The following ACSF3 variants were observed in gnomAD, a reference collection of about 807,000 sequenced individuals.
ACSF3 encodes the protein acyl-CoA synthetase family member 3, also known as malonate--CoA ligase ACSF3, mitochondrial.
ACSF3 carries 78 observed loss-of-function variants against 53.2 expected under a neutral mutation model. The observed-to-expected ratio is 1.47, with a 90% confidence interval of 1.22 to 1.77. The LOEUF (loss-of-function observed/expected upper bound fraction) is 1.77. Ranked by LOEUF, ACSF3 falls within the 40% of genes most tolerant of loss-of-function variation. The probability of loss-of-function intolerance (pLI) is 0.00; values close to 1 mark genes in which losing one functional copy is unlikely to be tolerated. For synonymous variants in ACSF3, 414 were observed against 333.1 expected (o/e 1.24, Z -2.65); for missense variants, 937 against 771.1 (o/e 1.22, Z -2.55).
In ACSF3 at chr16:89,114,409, A is replaced by C; in HGVS notation, c.1048A>C (p.Thr350Pro). Reference protein sequence around the residue: ...LEKWKNITGHTLLERYGMTEI... With the variant: ...LEKWKNITGHPLLERYGMTEI... ...GAAGTGGAAGAACATCACGGGCCAC[A>C]CCCTGCTGGAGCGGTATGGCATGAC... The change falls in exon 6 of 11, where the codon ACC becomes CCC. Residue 350 changes from threonine (T) to proline (P), a missense_variant. Coordinates refer to ENST00000614302, the MANE Select transcript of ACSF3 (RefSeq NM_001243279.3). 1 of 1,613,876 alleles carries C rather than the reference A, an allele frequency of 6.2e-7. No homozygotes were observed. Among genetic ancestry groups the C allele is most frequent in the Non-Finnish European group, 8.5e-7 (1 of 1,180,008 alleles).
intron 4 of ACSF3, among the ~76,000 whole-genome samples, chr16:89,110,564 C>T (rs912105111): frequency 2.6e-5 from 4 of 152,216 alleles, no homozygotes; most frequent in East Asian, 3.8e-4. Flanking sequence ...TTCTGGTTTA[C>T]GTCAGTTTTG....
chr16:89,096,446 C>T (rs948233774), intron 1 of ACSF3, among the ~76,000 whole-genome samples: 1 of 152,144 alleles, frequency 6.6e-6, no homozygotes, highest in African/African-American at 2.4e-5. Context: ...GCTCTGTCTG[C>T]GTGTTCGAGG....
chr16:89,140,692 T>TC (rs1462007458), intron 8 of ACSF3, among the ~76,000 whole-genome samples: 1 of 151,830 alleles, frequency 6.6e-6, no homozygotes, highest in Admixed American at 6.6e-5. Context: ...GGTCAGGACA[T>TC]CCCCCCGGCC....
intron 8 of ACSF3, chr16:89,136,753 C>T (rs758134173): frequency 1.6e-6 from 2 of 1,287,280 alleles, no homozygotes; most frequent in Non-Finnish European, 2.0e-6. Flanking sequence ...CCCGCTTCTG[C>T]CTCAAGATCA....
chr16:89,114,258 C>G, intron 5 of ACSF3, 81 bp from the exon 6 acceptor site: 2 of 1,599,910 alleles, frequency 1.3e-6, no homozygotes, highest in Non-Finnish European at 1.7e-6. Flanking sequence ...AGGGCCGCCT[C>G]CTGAGGGGCT....
chr16:89,114,091 C>A (rs1422258670), intron 5 of ACSF3: 2 of 567,156 alleles, frequency 3.5e-6, no homozygotes, highest in Admixed American at 2.5e-5. Flanking sequence ...AGCTGTTGGA[C>A]CTGCTTCCTT....
chr16:89,142,849 G>A (rs753089243), intron 8 of ACSF3, among the ~76,000 whole-genome samples: 1 of 152,268 alleles, frequency 6.6e-6, no homozygotes, highest in Admixed American at 6.5e-5. Flanking sequence ...GCAGTGGGCG[G>A]AGAGGTTGGG....
At chr16:89,126,293 G>A (rs1416493302) in intron 7 of ACSF3, among the ~76,000 whole-genome samples, 3 of 152,068 alleles carry the variant, frequency 2.0e-5, no homozygotes, top group African/African-American at 7.2e-5. Context: ...TTTTGAGACA[G>A]AATCTTGTCC....
In ACSF3 at chr16:89,156,065, GTGACTC is replaced by G. The variant is rs1914671394; in HGVS notation, c.*1860_*1865del. ...TGAATGCCGTGTTCTAAAGTCACGA[GTGACTC>G]TCCAGCTGGTCCCTGTGCCAGGCTG... On this transcript the variant is annotated 3_prime_UTR_variant, in exon 11 of 11. Coordinates refer to ENST00000614302, the MANE Select transcript of ACSF3 (RefSeq NM_001243279.3). Among the ~76,000 whole-genome samples, 1 of 152,152 alleles carries G rather than the reference GTGACTC, an allele frequency of 6.6e-6. No individual in the cohort carries two copies.
At chr16:89,132,821 G>A (rs908306656) in intron 7 of ACSF3, among the ~76,000 whole-genome samples, 1 of 152,236 alleles carries the variant, frequency 6.6e-6, no homozygotes, top group Non-Finnish European at 1.5e-5. Flanking sequence ...GGCCTGGGCC[G>A]GTAACATGCT....
intron 8 of ACSF3, among the ~76,000 whole-genome samples, chr16:89,137,138 G>A (rs1237921361): frequency 6.6e-6 from 1 of 152,262 alleles, no homozygotes; most frequent in Non-Finnish European, 1.5e-5. Flanking sequence ...GGGCGGTAGG[G>A]CAGGGCGGCA....
intron 8 of ACSF3, among the ~76,000 whole-genome samples, chr16:89,140,771 C>T (rs1457517324): frequency 1.3e-5 from 2 of 151,904 alleles, no homozygotes; most frequent in East Asian, 3.9e-4. Flanking sequence ...CACCTCACTC[C>T]ACCTACACTC....
chr16:89,110,455 C>G (rs1011945286), intron 4 of ACSF3, among the ~76,000 whole-genome samples: 11 of 152,226 alleles, frequency 7.2e-5, no homozygotes, highest in Non-Finnish European at 1.3e-4. Flanking sequence ...CCAAGAATCA[C>G]TTGACCAGAT....
intron 2 of ACSF3, among the ~76,000 whole-genome samples, chr16:89,099,217 CCT>C (rs1456799155): frequency 6.6e-6 from 1 of 152,266 alleles, no homozygotes; most frequent in African/African-American, 2.4e-5. Context: ...TGGGCAGTGT[CCT>C]CTGGCTGCAG....
At chr16:89,127,251 CTCCT>C (rs1567720800) in intron 7 of ACSF3, among the ~76,000 whole-genome samples, 1 of 151,826 alleles carries the variant, frequency 6.6e-6, no homozygotes, top group African/African-American at 2.4e-5. Flanking sequence ...GAAGTGTTCT[CTCCT>C]CTTTTTTTTT....
At chr16:89,124,427 CTG>C (rs2151490667) in intron 7 of ACSF3, among the ~76,000 whole-genome samples, 1 of 149,476 alleles carries the variant, frequency 6.7e-6, no homozygotes, top group South Asian at 2.1e-4. Flanking sequence ...CGTGCGTGCA[CTG>C]TGCGTATGTG....
Position 89,154,344 on chromosome 16 carries a change from G to A in ACSF3, c.*137G>A, listed in dbSNP as rs1172974182. On this transcript the variant is annotated 3_prime_UTR_variant, in exon 11 of 11. Coordinates refer to ENST00000614302, the MANE Select transcript of ACSF3 (RefSeq NM_001243279.3). ...ATCAGGTCACGTAGAATCAAGAACT[G>A]TTTGGGATGAAATCACCATGTGGGG... is the stretch of plus-strand genomic sequence containing the variant. 1 of 845,168 alleles carries A rather than the reference G, an allele frequency of 1.2e-6. No individual in the cohort carries two copies. The highest frequency in any genetic ancestry group is 2.0e-5 in the Admixed American group (1 of 50,338). 52.4% of individuals were successfully genotyped at this position (845,168 alleles called of 1,614,324 possible).
At chr16:89,151,295 A>T (rs1914047739) in intron 10 of ACSF3, 1 of 427,948 alleles carries the variant, frequency 2.3e-6, no homozygotes, top group South Asian at 1.7e-5. Context: ...AAAAGGCTTC[A>T]CTGATAAATT....
intron 6 of ACSF3, among the ~76,000 whole-genome samples, chr16:89,119,355 A>G (rs951351400): frequency 6.6e-6 from 1 of 152,142 alleles, no homozygotes; most frequent in Non-Finnish European, 1.5e-5. Flanking sequence ...TCCTCTTCTT[A>G]TGAAACGCCC....
Sources: allele counts gnomAD v4.1 joint callset (sites outside exome capture counted in the v4.1 genomes callset), GRCh38; gene constraint gnomAD v4.1.1; transcripts MANE v1.5; gene names NCBI Gene and HGNC (gene_info 2026-07-23, HGNC 2026-07-21).